Variants in THRB observed in about 807,000 individuals in gnomAD.
THRB encodes the protein nuclear receptor subfamily 1 group A member 2.
In THRB, 12 loss-of-function variants were observed where a neutral mutation model predicts 47.8. The ratio of observed to expected loss-of-function variants is 0.25; its 90% CI spans 0.16 to 0.41. The LOEUF is 0.41. Among genes scored for constraint, THRB ranks in the 10% least tolerant of loss-of-function variants. THRB has a pLI of 1.00. For missense variants in THRB, 348 were observed against 589.2 expected, an observed-to-expected ratio of 0.59 and a Z score of 4.24; for synonymous variants, 218 against 212.2, an observed-to-expected ratio of 1.03 and a Z score of -0.24.
intron 10 of THRB, among the ~76,000 whole-genome samples, chr3:24,124,765 C>T (rs372611061): frequency 7.9e-5 from 12 of 152,112 alleles, no homozygotes; most frequent in African/African-American, 2.7e-4. Context: ...ATTGTGTAAC[C>T]GAAATGGCAC....
intron 3 of THRB, among the ~76,000 whole-genome samples, chr3:24,281,838 A>G (rs1374679218): frequency 6.6e-6 from 1 of 151,568 alleles, no homozygotes; most frequent in Non-Finnish European, 1.5e-5. Context: ...GAGACAAAGA[A>G]GGCCATTATT....
At chr3:24,201,986 G>A (rs144499611) in intron 4 of THRB, among the ~76,000 whole-genome samples, 74 of 152,026 alleles carry the variant, frequency 4.9e-4, no homozygotes, top group African/African-American at 1.5e-3. Flanking sequence ...CTCATTTTTT[G>A]TATGAGGAAC....
chr3:24,348,925 G>C (rs779302023), intron 1 of THRB: 1 of 152,110 alleles, frequency 6.6e-6, no homozygotes, highest in Non-Finnish European at 1.5e-5. Flanking sequence ...AGATAAAACT[G>C]TGGTTATTCT....
At chr3:24,280,781 G>A (rs941216350) in intron 3 of THRB, among the ~76,000 whole-genome samples, 234 of 152,158 alleles carry the variant, frequency 1.5e-3, no homozygotes, top group African/African-American at 5.0e-3. Context: ...CGAGAACTAC[G>A]TGAAGAATGC....
intron 1 of THRB, among the ~76,000 whole-genome samples, chr3:24,389,026 T>C (rs1368971642): frequency 6.6e-6 from 1 of 152,190 alleles, no homozygotes; most frequent in African/African-American, 2.4e-5. Flanking sequence ...GAGTAGTATC[T>C]ATTCTTCTGC....
intron 2 of THRB, among the ~76,000 whole-genome samples, chr3:24,307,512 A>G (rs922074260): frequency 1.3e-5 from 2 of 152,146 alleles, no homozygotes; most frequent in African/African-American, 2.4e-5. Flanking sequence ...ATGACTTTAT[A>G]TAGTTCACCA....
chr3:24,303,252 G>A (rs900395754), intron 2 of THRB, among the ~76,000 whole-genome samples: 2 of 152,316 alleles, frequency 1.3e-5, no homozygotes, highest in Non-Finnish European at 2.9e-5. Flanking sequence ...TCTTTGCTGT[G>A]AATCTTTGCA....
At chr3:24,155,141 T>C (rs1483469767) in intron 5 of THRB, among the ~76,000 whole-genome samples, 3 of 152,198 alleles carry the variant, frequency 2.0e-5, no homozygotes, top group African/African-American at 7.2e-5. Flanking sequence ...TTTATGTAGA[T>C]GGTGTTTAAG....
chr3:24,175,970 T>C (rs1301859233), intron 5 of THRB, among the ~76,000 whole-genome samples: 1 of 152,198 alleles, frequency 6.6e-6, no homozygotes, highest in African/African-American at 2.4e-5. Flanking sequence ...TTCCACGCTA[T>C]GCTTTTCTAA....
intron 3 of THRB, among the ~76,000 whole-genome samples, chr3:24,269,174 A>G (rs2052975325): frequency 6.6e-6 from 1 of 152,188 alleles, no homozygotes; most frequent in African/African-American, 2.4e-5. Context: ...AAAGTCACAG[A>G]AACATAATAC....
chr3:24,286,243 ACATACCTCTTCC>A (rs1257786453), intron 3 of THRB, among the ~76,000 whole-genome samples: 5 of 152,210 alleles, frequency 3.3e-5, no homozygotes, highest in Non-Finnish European at 5.9e-5. Context: ...CTGAACTATG[ACATACCTCTTCC>A]CATTTAGAAG....
intron 2 of THRB, among the ~76,000 whole-genome samples, chr3:24,304,302 C>T (rs1399007403): frequency 6.6e-6 from 1 of 151,918 alleles, no homozygotes; most frequent in African/African-American, 2.4e-5. Context: ...AAATGAACAC[C>T]TTTTTTTAAA....
rs138348128 is a variant in THRB, at chr3:24,291,982, C to T, written c.-43+5244G>A. Among the ~76,000 whole-genome samples the T allele has an allele frequency of 1.5e-3, 228 of 152,096 alleles. 1 individual carries two copies. Among genetic ancestry groups the T allele is most frequent in the African/African-American group, 5.3e-3 (220 of 41,472 alleles). On this transcript the variant is annotated intron_variant, in intron 3 of 10. Transcript: ENST00000646209. The stretch of plus-strand genomic sequence containing the variant: ...TGGAAATAACTTAAATGTCCATTAA[C>T]AGAAGACTCAGTAAATAAATTTTGG...
At chr3:24,301,466 C>T (rs2056936912) in intron 2 of THRB, among the ~76,000 whole-genome samples, 1 of 152,194 alleles carries the variant, frequency 6.6e-6, no homozygotes, top group African/African-American at 2.4e-5. Context: ...CAGACATTAA[C>T]ACTTTGCCAC....
chr3:24,290,945 G>A (rs1368588663), intron 3 of THRB, among the ~76,000 whole-genome samples: 4 of 152,132 alleles, frequency 2.6e-5, no homozygotes, highest in East Asian at 1.9e-4. Context: ...ATGAATTTCC[G>A]TACCAAAGAG....
At chr3:24,360,658 A>G (rs911981530) in intron 1 of THRB, among the ~76,000 whole-genome samples, 11 of 152,172 alleles carry the variant, frequency 7.2e-5, no homozygotes, top group African/African-American at 2.7e-4. Context: ...AGAAGTTTTC[A>G]TAGCTCCCCA....
intron 3 of THRB, among the ~76,000 whole-genome samples, chr3:24,256,322 G>A (rs963804984): frequency 6.6e-6 from 1 of 152,106 alleles, no homozygotes; most frequent in African/African-American, 2.4e-5. Flanking sequence ...TGGAGTTGAA[G>A]AGTAAATGGG....
chr3:24,366,158 C>A (rs2064439691), intron 1 of THRB, among the ~76,000 whole-genome samples: 1 of 152,106 alleles, frequency 6.6e-6, no homozygotes, highest in Non-Finnish European at 1.5e-5. Context: ...ACTACCCTAC[C>A]CAGTTCCAGT....
At chr3:24,173,063 A>C (rs1289240225) in intron 5 of THRB, among the ~76,000 whole-genome samples, 1 of 152,220 alleles carries the variant, frequency 6.6e-6, no homozygotes, top group Non-Finnish European at 1.5e-5. Flanking sequence ...TTTCTGAACC[A>C]GCAGCATTAG....
Sources: allele counts gnomAD v4.1 joint callset (sites outside exome capture counted in the v4.1 genomes callset), GRCh38; gene constraint gnomAD v4.1.1; transcripts MANE v1.5; gene names NCBI Gene and HGNC (gene_info 2026-07-23, HGNC 2026-07-21).